The following ACOXL variants were observed in gnomAD, a reference collection of about 807,000 sequenced individuals.
ACOXL encodes the protein acyl-coenzyme A oxidase-like protein.
A neutral mutation model predicts 71.9 loss-of-function variants in ACOXL; 70 were observed. The observed-to-expected ratio is 0.97, with a 90% CI of 0.80 to 1.19. The LOEUF (loss-of-function observed/expected upper bound fraction) is 1.19. Ranked by LOEUF, ACOXL falls within the 50% of genes most tolerant of loss-of-function variation. ACOXL has a pLI of 0.00. For missense variants in ACOXL, 703 were observed against 736.3 expected (o/e 0.95, Z 0.52); for synonymous variants, 253 against 281.6 (o/e 0.90, Z 1.02).
At chr2:110,808,717 A>G (rs1457265212) in intron 9 of ACOXL, among the ~76,000 whole-genome samples, 2 of 152,142 alleles carry the variant, frequency 1.3e-5, no homozygotes, top group African/African-American at 4.8e-5. Flanking sequence ...CAGAGCTTGT[A>G]TGACTGTCCC....
At chr2:110,846,801 G>A (rs1691945255) in intron 10 of ACOXL, among the ~76,000 whole-genome samples, 1 of 151,754 alleles carries the variant, frequency 6.6e-6, no homozygotes, top group South Asian at 2.1e-4. Flanking sequence ...GGGGGTGTAT[G>A]TGTTTGTGTG....
intron 14 of ACOXL, among the ~76,000 whole-genome samples, chr2:111,012,058 A>G (rs1171789044): frequency 6.6e-6 from 1 of 152,216 alleles, no homozygotes; most frequent in African/African-American, 2.4e-5. Context: ...GAAATAGACA[A>G]ATTCAGTAAT....
intron 9 of ACOXL, among the ~76,000 whole-genome samples, chr2:110,811,284 A>G (rs951972504): frequency 1.3e-5 from 2 of 152,194 alleles, no homozygotes; most frequent in African/African-American, 4.8e-5. Context: ...CAAAGGGCAG[A>G]GTAAGGAGTG....
rs1012477040 is a variant in ACOXL at position 111,015,956 on chromosome 2, G to A, written c.1282-15671G>A. Among the ~76,000 whole-genome samples the A allele has an allele frequency of 3.9e-5, 6 of 152,062 alleles. No individual in the cohort carries two copies. The South Asian group carries it at 6.2e-4, about 16-fold the overall frequency. Reference sequence around the variant, plus strand: ...TTCTGTTTTCTTTTGTTTTAGAGACGGGATCTTACTCTGTTGCCCAGGCTG... The same window carrying A: ...TTCTGTTTTCTTTTGTTTTAGAGACAGGATCTTACTCTGTTGCCCAGGCTG... On this transcript the variant is annotated intron_variant, in intron 14 of 17. Coordinates refer to ENST00000439055, the MANE Select transcript of ACOXL (RefSeq NM_001142807.4).
intron 12 of ACOXL, among the ~76,000 whole-genome samples, chr2:110,948,282 A>G (rs2061188776): frequency 6.6e-6 from 1 of 152,218 alleles, no homozygotes; most frequent in Non-Finnish European, 1.5e-5. Flanking sequence ...CCGGGCAGCG[A>G]CTGAGCGATT....
intron 1 of ACOXL, among the ~76,000 whole-genome samples, chr2:110,759,310 T>G (rs1680080807): frequency 6.6e-6 from 1 of 152,342 alleles, no homozygotes; most frequent in South Asian, 2.1e-4. Flanking sequence ...TGTGAGAGTC[T>G]ACGTCTCTTT....
At chr2:110,897,204 A>G (rs778598798) in intron 10 of ACOXL, among the ~76,000 whole-genome samples, 13 of 152,206 alleles carry the variant, frequency 8.5e-5, no homozygotes, top group Non-Finnish European at 1.5e-4. Flanking sequence ...TATATATCAA[A>G]AATTGTAGGG....
intron 9 of ACOXL, among the ~76,000 whole-genome samples, chr2:110,827,531 C>G (rs1165822437): frequency 6.6e-6 from 1 of 152,112 alleles, no homozygotes; most frequent in Non-Finnish European, 1.5e-5. Flanking sequence ...ATTATGTGGC[C>G]ACTGAGCACT....
At chr2:110,918,537 G>C (rs2149279350) in intron 11 of ACOXL, among the ~76,000 whole-genome samples, 1 of 152,226 alleles carries the variant, frequency 6.6e-6, no homozygotes. Flanking sequence ...GGCAACAAAA[G>C]CCAAAATTGA....
intron 15 of ACOXL, among the ~76,000 whole-genome samples, chr2:111,040,217 A>G (rs2065714228): frequency 6.6e-6 from 1 of 152,206 alleles, no homozygotes; most frequent in Non-Finnish European, 1.5e-5. Flanking sequence ...TCTTCTTGCA[A>G]GAATCACACA....
intron 9 of ACOXL, 49 bp from the exon 10 acceptor site, chr2:110,841,322 G>A (rs767918057): frequency 7.0e-7 from 1 of 1,432,076 alleles, no homozygotes; most frequent in East Asian, 2.3e-5. Context: ...TGTGAATTCT[G>A]CATACTCTTG....
chr2:110,739,652 C>G (rs977136060), intron 1 of ACOXL, among the ~76,000 whole-genome samples: 1 of 152,238 alleles, frequency 6.6e-6, no homozygotes, highest in Non-Finnish European at 1.5e-5. Context: ...CCTCTCCTAA[C>G]AGTAAACCCT....
intron 12 of ACOXL, among the ~76,000 whole-genome samples, chr2:110,960,756 A>T (rs1026669164): frequency 1.3e-5 from 2 of 151,996 alleles, no homozygotes; most frequent in Non-Finnish European, 2.9e-5. Context: ...AAACCCAAAA[A>T]GTTCATTTTT....
At chr2:111,052,643 C>G (rs2066350014) in intron 16 of ACOXL, among the ~76,000 whole-genome samples, 1 of 152,152 alleles carries the variant, frequency 6.6e-6, no homozygotes, top group Non-Finnish European at 1.5e-5. Flanking sequence ...TCATTTGACC[C>G]TGTTCGCGTT....
intron 12 of ACOXL, among the ~76,000 whole-genome samples, chr2:110,969,682 A>C (rs560232105): frequency 6.6e-6 from 1 of 151,986 alleles, no homozygotes; most frequent in African/African-American, 2.4e-5. Context: ...GTGATGGTGC[A>C]CATCTGTAAT....
intron 10 of ACOXL, among the ~76,000 whole-genome samples, chr2:110,903,243 C>T (rs954531477): frequency 3.9e-5 from 6 of 152,220 alleles, no homozygotes; most frequent in Non-Finnish European, 5.9e-5. Flanking sequence ...GCGAATGGCG[C>T]GGCCCCCCCA....
chr2:110,803,506 A>C (rs1335970204), intron 8 of ACOXL, among the ~76,000 whole-genome samples: 1 of 152,230 alleles, frequency 6.6e-6, no homozygotes, highest in Non-Finnish European at 1.5e-5. Flanking sequence ...TGCCTACCAT[A>C]TACAAAAATC....
chr2:110,828,058 C>T (rs1449011353), intron 9 of ACOXL, among the ~76,000 whole-genome samples: 1 of 152,152 alleles, frequency 6.6e-6, no homozygotes, highest in African/African-American at 2.4e-5. Context: ...GTAACCTCCA[C>T]CTCCCAGGTT....
chr2:111,017,426 TCAGCAGTGG>T (rs1392191139), intron 14 of ACOXL, among the ~76,000 whole-genome samples: 2 of 152,174 alleles, frequency 1.3e-5, no homozygotes. Flanking sequence ...CTGCGCAAGC[TCAGCAGTGG>T]CAGCAGCTTC....
Sources: gnomAD v4.1 joint callset for allele counts (sites outside exome capture counted in the v4.1 genomes callset) on GRCh38, gnomAD v4.1.1 for gene constraint, MANE v1.5 for transcripts, NCBI Gene and HGNC (gene_info 2026-07-23, HGNC 2026-07-21) for gene names.